The following RUSC2 variants were observed in gnomAD, a reference collection of about 807,000 sequenced individuals.
RUSC2 encodes RUN and SH3 domain containing 2.
A neutral mutation model predicts 122.2 loss-of-function variants in RUSC2; 34 were observed. That is an observed-to-expected ratio of 0.28 (90% CI 0.21 to 0.37). RUSC2 has a LOEUF of 0.37. Ranked by LOEUF, RUSC2 falls within the 10% of genes least tolerant of loss-of-function variation. The pLI, the probability that RUSC2 is intolerant of heterozygous loss-of-function variation, is 1.00. For missense variants in RUSC2, 1,747 were observed against 1,952.4 expected (o/e 0.89, Z 1.98); for synonymous variants, 784 against 790.0 (o/e 0.99, Z 0.13).
chr9:35,510,026 C>A (rs1820985138), intron 1 of RUSC2, among the ~76,000 whole-genome samples: 1 of 152,256 alleles, frequency 6.6e-6, no homozygotes, highest in South Asian at 2.1e-4. Flanking sequence ...AAGAGCAAAT[C>A]AGGGTTCTAT....
rs148776122 is a variant in RUSC2, at chr9:35,560,525, C to A, written c.3885C>A (p.Ser1295Arg). 2.6e-4 allele frequency: 414 copies of A among 1,614,138 alleles called. No homozygotes were observed. Among genetic ancestry groups the A allele is most frequent in the Non-Finnish European group, 3.1e-4 (370 of 1,179,998 alleles). ...AGGGTTCCAGGTTCCCTCGTGGTAG[C>A]AGCAACAGCAGCAGCGAGAAAAAGA... ...SIEGSRFPRG[S>R]SNSSSEKKKG... Residue 1295 changes from serine (S) to arginine (R), a missense_variant, in exon 10 of 12, where the codon AGC (serine) becomes AGA (arginine). By Grantham distance (110) the Ser-to-Arg change is moderately radical. Coordinates refer to ENST00000361226, the MANE Select transcript of RUSC2 (RefSeq NM_014806.5).
chr9:35,556,165 C>T (rs550329703), intron 4 of RUSC2, 28 bp downstream of exon 4: 9 of 1,610,256 alleles, frequency 5.6e-6, no homozygotes, highest in East Asian at 2.2e-5. Flanking sequence ...CCAGTACACC[C>T]GGGGCAGGCT....
At chr9:35,543,193 A>G (rs1821676244) in intron 1 of RUSC2, among the ~76,000 whole-genome samples, 4 of 152,220 alleles carry the variant, frequency 2.6e-5, no homozygotes. Context: ...TGGAAGGCCA[A>G]GGCAGGTGGA....
chr9:35,560,938 T>TGAGTC, intron 10 of RUSC2, 22 bp from the exon 11 acceptor site: 1 of 1,610,832 alleles, frequency 6.2e-7, no homozygotes, highest in Non-Finnish European at 8.5e-7. Context: ...GGGCAGAGCC[T>TGAGTC]GAGTCCAGCT....
intron 1 of RUSC2, among the ~76,000 whole-genome samples, chr9:35,540,125 T>G (rs898025793): frequency 6.6e-6 from 1 of 152,146 alleles, no homozygotes; most frequent in African/African-American, 2.4e-5. Context: ...ATCCCAGCAC[T>G]TTGAGAGGCT....
chr9:35,559,238 G>A lies in RUSC2; in HGVS notation c.3354G>A (p.Leu1118=). The change falls in exon 9 of 12, where the codon CTG becomes CTA. Residue 1118 remains leucine, a synonymous_variant. Coordinates refer to ENST00000361226, the MANE Select transcript of RUSC2 (RefSeq NM_014806.5). ...FILGLLNIRS[L]EFWFNHLYNH... is the part of the protein sequence containing the mutation. ...TGTCTCCCTACAGCATCCGGTCCCTGGAGTTCTGGTTTAATCACCTCTATA... is the reference window on the plus strand; with the variant it reads ...TGTCTCCCTACAGCATCCGGTCCCTAGAGTTCTGGTTTAATCACCTCTATA... 1 of 1,613,484 alleles carries A rather than the reference G, an allele frequency of 6.2e-7. No individual in the cohort carries two copies. Among genetic ancestry groups the A allele is most frequent in the Non-Finnish European group, 8.5e-7 (1 of 1,179,426 alleles).
chr9:35,548,183 T>C lies in RUSC2; in HGVS notation c.1662T>C (p.Thr554=). 1.9e-6 allele frequency: 3 copies of C among 1,613,320 alleles called. No homozygotes were observed. Among genetic ancestry groups the C allele is most frequent in the Non-Finnish European group, 1.7e-6 (2 of 1,179,954 alleles). ...FAELAKGRKK[T]GGSGSPPLRV... ...AGCTGGCCAAGGGCCGGAAGAAAACTGGAGGCTCTGGCTCGCCCCCACTTC... is the reference window on the plus strand; with the variant it reads ...AGCTGGCCAAGGGCCGGAAGAAAACCGGAGGCTCTGGCTCGCCCCCACTTC... The change falls in exon 2 of 12, where the codon ACT becomes ACC. Residue 554 remains threonine (T), a synonymous_variant. Coordinates refer to ENST00000361226, the MANE Select transcript of RUSC2 (RefSeq NM_014806.5). This position sits in a 1 kb window ranked among gnomAD's most constrained non-coding sequence, Gnocchi z 4.5.
intron 1 of RUSC2, among the ~76,000 whole-genome samples, chr9:35,533,908 A>C (rs1213152893): frequency 6.6e-6 from 1 of 152,204 alleles, no homozygotes; most frequent in Non-Finnish European, 1.5e-5. Context: ...ATCATGAATA[A>C]TGCTACTAGG....
chr9:35,503,712 T>TTCCCAATAGTA (rs1820860748), intron 1 of RUSC2, among the ~76,000 whole-genome samples: 1 of 151,920 alleles, frequency 6.6e-6, no homozygotes, highest in Non-Finnish European at 1.5e-5. Flanking sequence ...CCAGTTTACA[T>TTCCCAATAGTA]TCCCAATAGC....
intron 1 of RUSC2, among the ~76,000 whole-genome samples, chr9:35,493,299 G>A (rs1587830251): frequency 6.6e-6 from 1 of 152,060 alleles, no homozygotes; most frequent in Admixed American, 6.6e-5. Flanking sequence ...CTATGTTTCT[G>A]CAAAAGACAT....
chr9:35,558,171 C>A lies in RUSC2; in HGVS notation c.3061-26C>A. 2 of 1,607,146 alleles carry A rather than the reference C, an allele frequency of 1.2e-6. No individual in the cohort carries two copies. ...ACCACAGTCAGGCCTGAGGGGGTTTCCTGCACTTCCCTACCACACCTACAG... is the reference window on the plus strand; with the variant it reads ...ACCACAGTCAGGCCTGAGGGGGTTTACTGCACTTCCCTACCACACCTACAG... On this transcript the variant is annotated intron_variant, in intron 6 of 11. Coordinates refer to ENST00000361226, the MANE Select transcript of RUSC2 (RefSeq NM_014806.5). The surrounding 1 kb of genome is among the most constrained non-coding windows in gnomAD (Gnocchi z 4.3).
Position 35,555,461 on chromosome 9 carries a change from G to A in RUSC2, c.2416G>A (p.Glu806Lys), listed in dbSNP as rs41277053. Residue 806 changes from glutamate to lysine, a missense_variant, in exon 3 of 12, where the codon GAG becomes AAG. Transcript: ENST00000361226. This position sits in a 1 kb window ranked among gnomAD's most constrained non-coding sequence, Gnocchi z 4.6. ...CTCCACTTCGTGCTCCCCTCCCCCAGAGCAGCCCACAGCCACAGAAAGCCT... is the reference window on the plus strand; with the variant it reads ...CTCCACTTCGTGCTCCCCTCCCCCAAAGCAGCCCACAGCCACAGAAAGCCT... ...SASTSCSPPP[E>K]QPTATESLPP... 5.5e-3 allele frequency: 8,811 copies of A among 1,614,182 alleles called. 42 individuals carry two copies. The highest frequency in any genetic ancestry group is 5.9e-3 in the Middle Eastern group (36 of 6,058).
In RUSC2 at chr9:35,557,403, G is replaced by T. The variant is rs1822045846; in HGVS notation, c.2984-511G>T. On this transcript the variant is annotated intron_variant, in intron 5 of 11. Coordinates refer to ENST00000361226, the MANE Select transcript of RUSC2 (RefSeq NM_014806.5). The surrounding 1 kb of genome is among the most constrained non-coding windows in gnomAD (Gnocchi z 4.6). ...TTGTTATGGATTTTGGAGGTAGAGGGAAGTTAAAGGAGTTTATAACTAGGG... is the reference window on the plus strand; with the variant it reads ...TTGTTATGGATTTTGGAGGTAGAGGTAAGTTAAAGGAGTTTATAACTAGGG... 6.6e-6 allele frequency among the ~76,000 whole-genome samples: 1 copy of T among 152,166 alleles called. No homozygotes were observed. The highest frequency in any genetic ancestry group is 2.4e-5 in the African/African-American group (1 of 41,432).
intron 1 of RUSC2, among the ~76,000 whole-genome samples, chr9:35,491,232 G>T (rs1317968204): frequency 6.6e-6 from 1 of 152,206 alleles, no homozygotes; most frequent in Non-Finnish European, 1.5e-5. Flanking sequence ...TGGTATCGCT[G>T]AGGGATGAAA....
chr9:35,490,507 C>A (rs1820544212), intron 1 of RUSC2, among the ~76,000 whole-genome samples: 1 of 152,152 alleles, frequency 6.6e-6, no homozygotes, highest in Non-Finnish European at 1.5e-5. Context: ...GGACACCCTC[C>A]CCCCACAAAA....
Position 35,505,913 on chromosome 9 carries a change from C to A in RUSC2, c.-93+15741C>A, listed in dbSNP as rs148453795. Among the ~76,000 whole-genome samples the A allele has an allele frequency of 2.0e-3, 311 of 152,278 alleles. 3 individuals are homozygous for A. Among genetic ancestry groups the A allele is most frequent in the South Asian group, 0.013 (63 of 4,826 alleles). Reference sequence around the variant, plus strand: ...CTTAAGGTGAAAGATTGAAAACTTTCTCTCTAAGATCAGGAATAAAAGGAG... The same window carrying A: ...CTTAAGGTGAAAGATTGAAAACTTTATCTCTAAGATCAGGAATAAAAGGAG... On this transcript the variant is annotated intron_variant, in intron 1 of 11. Transcript: ENST00000361226.
intron 1 of RUSC2, among the ~76,000 whole-genome samples, chr9:35,498,408 G>T (rs900469816): frequency 6.6e-6 from 1 of 151,944 alleles, no homozygotes; most frequent in Non-Finnish European, 1.5e-5. Flanking sequence ...GCATCTTGGC[G>T]CCTGCCTGTA....
chr9:35,498,488 AAGATCATGCCACTGAGCTG>A (rs1452296333), intron 1 of RUSC2, among the ~76,000 whole-genome samples: 5 of 149,586 alleles, frequency 3.3e-5, no homozygotes, highest in Non-Finnish European at 7.4e-5. Context: ...GCAGTGAGCC[AAGATCATGCCACTGAGCTG>A]AGATCATGCC....
intron 1 of RUSC2, among the ~76,000 whole-genome samples, chr9:35,503,994 C>T (rs1035459610): frequency 1.3e-5 from 2 of 152,098 alleles, no homozygotes; most frequent in Admixed American, 1.3e-4. Flanking sequence ...AGGGTGGTCT[C>T]AAACTCCTGG....
Sources: allele counts gnomAD v4.1 joint callset (sites outside exome capture counted in the v4.1 genomes callset), GRCh38; gene constraint gnomAD v4.1.1; non-coding constraint Gnocchi (gnomAD v3.1); transcripts MANE v1.5; gene names NCBI Gene and HGNC (gene_info 2026-07-23, HGNC 2026-07-21).